PPTC7: variants seen among roughly 807,000 people sequenced by gnomAD.
PPTC7 encodes the protein protein phosphatase targeting COQ7.
Under a neutral mutation model 30.8 loss-of-function variants are expected in PPTC7, and 6 were observed. The ratio of observed to expected loss-of-function variants is 0.19; its 90% CI spans 0.11 to 0.38. The LOEUF is 0.38. Among genes scored for constraint, PPTC7 ranks in the 10% least tolerant of loss-of-function variants. The pLI, the probability that PPTC7 is intolerant of heterozygous loss-of-function variation, is 1.00. For missense variants in PPTC7, 218 were observed against 404.8 expected (o/e 0.54, Z 3.96); for synonymous variants, 163 against 168.1 (o/e 0.97, Z 0.23).
At chr12:110,560,352 G>A (rs546084980) in intron 1 of PPTC7, among the ~76,000 whole-genome samples, 2 of 151,368 alleles carry the variant, frequency 1.3e-5, no homozygotes, top group South Asian at 4.2e-4. Flanking sequence ...AATGAGCTGT[G>A]ATCACACTAC....
chr12:110,537,191 T>C (rs2064224950), intron 5 of PPTC7, 96 bp from the exon 6 acceptor site: 2 of 966,220 alleles, frequency 2.1e-6, no homozygotes, highest in Admixed American at 1.9e-5. Context: ...AATGCTTGCA[T>C]TCCAGGCAGT....
chr12:110,550,312 G>A (rs773299450), intron 2 of PPTC7, among the ~76,000 whole-genome samples: 3 of 145,762 alleles, frequency 2.1e-5, no homozygotes, highest in Non-Finnish European at 3.0e-5. Context: ...CTCACTGCAA[G>A]CTCCGCCTCC....
intron 1 of PPTC7, among the ~76,000 whole-genome samples, chr12:110,558,971 C>T (rs2064413247): frequency 1.3e-5 from 2 of 152,196 alleles, no homozygotes; most frequent in South Asian, 2.1e-4. Context: ...AAAATAGTTA[C>T]AGTATTTATG....
chr12:110,537,521 AT>A (rs1031864933), intron 5 of PPTC7, among the ~76,000 whole-genome samples: 3 of 152,170 alleles, frequency 2.0e-5, no homozygotes, highest in Non-Finnish European at 2.9e-5. Context: ...CTATTTTAAC[AT>A]TTTTTGGAGG....
intron 3 of PPTC7, 118 bp downstream of exon 3, chr12:110,545,762 A>G: frequency 1.1e-6 from 1 of 881,558 alleles, no homozygotes; most frequent in Admixed American, 2.0e-5. Flanking sequence ...CTTGATGAGA[A>G]CATTCTCAGT....
rs923392591 is a variant in PPTC7 at position 110,546,302 on chromosome 12, G to C, written c.404-224C>G. Reference sequence around the variant, plus strand: ...AGGATTTGTATTATACATAGTAATTGGGCCACAGATGATCTGAATTCTTCC... The same window carrying C: ...AGGATTTGTATTATACATAGTAATTCGGCCACAGATGATCTGAATTCTTCC... On this transcript the variant is annotated intron_variant, in intron 2 of 5. Transcript: ENST00000354300. The C allele has an allele frequency of 5.6e-6, 3 of 535,760 alleles. No individual in the cohort carries two copies. In the African/African-American group the frequency reaches 5.7e-5, roughly 10 times the overall value. The allele number at this position is 535,760 out of a possible 1,614,324, so 33.2% of individuals were successfully genotyped here. A position where few individuals can be genotyped will look rare whatever the true frequency, so the allele number is the denominator to read the frequency against.
chr12:110,543,813 G>A (rs565717692), intron 3 of PPTC7, among the ~76,000 whole-genome samples: 1 of 152,212 alleles, frequency 6.6e-6, no homozygotes, highest in African/African-American at 2.4e-5. Context: ...ATGCTAGCGA[G>A]CTGTCTCTGG....
intron 1 of PPTC7, among the ~76,000 whole-genome samples, chr12:110,577,325 G>A (rs1029649726): frequency 6.6e-6 from 1 of 150,928 alleles, no homozygotes; most frequent in East Asian, 1.9e-4. Flanking sequence ...AAAAAATTAT[G>A]GTAATATAAT....
At chr12:110,555,598 C>A (rs1211158974) in intron 1 of PPTC7, among the ~76,000 whole-genome samples, 1 of 152,206 alleles carries the variant, frequency 6.6e-6, no homozygotes, top group African/African-American at 2.4e-5. Context: ...AGATCCATTT[C>A]ATAGTCCACT....
intron 1 of PPTC7, among the ~76,000 whole-genome samples, chr12:110,554,511 A>T (rs890079289): frequency 6.6e-6 from 1 of 152,188 alleles, no homozygotes; most frequent in Non-Finnish European, 1.5e-5. Flanking sequence ...GAATATTAGG[A>T]AATTTAAAAT....
At chr12:110,572,872 T>A (rs750898238) in intron 1 of PPTC7, among the ~76,000 whole-genome samples, 1 of 128,414 alleles carries the variant, frequency 7.8e-6, no homozygotes, top group South Asian at 2.6e-4. Context: ...TTTAAGTTTT[T>A]ATTTATTTAT....
Position 110,544,367 on chromosome 12 carries a change from GCTT to G in PPTC7, c.602+1510_602+1512del, listed in dbSNP as rs532948396. ...AGTAGAGACAAGTACTTGCTAGAAT[GCTT>G]CTATTTTTACAAAAGGTTCATTGTC... On this transcript the variant is annotated intron_variant, in intron 3 of 5. Transcript: ENST00000354300. Among the ~76,000 whole-genome samples the G allele has an allele frequency of 2.7e-3, 405 of 152,302 alleles. 1 individual carries two copies. Among genetic ancestry groups the G allele is most frequent in the Non-Finnish European group, 4.4e-3 (299 of 68,022 alleles).
chr12:110,551,585 G>A (rs1307427123), intron 2 of PPTC7, among the ~76,000 whole-genome samples: 1 of 152,190 alleles, frequency 6.6e-6, no homozygotes, highest in African/African-American at 2.4e-5. Flanking sequence ...GACCTCAGGT[G>A]ATCTGCCCAC....
intron 1 of PPTC7, among the ~76,000 whole-genome samples, chr12:110,577,188 A>AAT (rs1555216124): frequency 8.1e-4 from 121 of 149,564 alleles, no homozygotes; most frequent in Non-Finnish European, 1.4e-3. Context: ...AAAAAAAAAA[A>AAT]TTCACTCAGG....
In PPTC7 at chr12:110,558,618, A is replaced by C. The variant is rs532116179; in HGVS notation, c.224-6650T>G. ...ACCATAGGGCACAGAAAAATCCTTT[A>C]GTGTTTTTGTTTGTTTTTGTTTTTT... is the stretch of plus-strand genomic sequence containing the variant. On this transcript the variant is annotated intron_variant, in intron 1 of 5. Transcript: ENST00000354300. Among the ~76,000 whole-genome samples, 3 of 152,318 alleles carry C rather than the reference A, an allele frequency of 2.0e-5. No individual in the cohort carries two copies. The South Asian group carries it at 6.2e-4, about 32-fold the overall frequency.
intron 3 of PPTC7, 38 bp downstream of exon 3, chr12:110,545,842 C>T (rs200926174): frequency 9.4e-6 from 15 of 1,594,504 alleles, no homozygotes; most frequent in African/African-American, 5.4e-5. Context: ...GAATGAGCCA[C>T]GTCCTGCTCA....
chr12:110,578,500 G>A (rs1325244460), intron 1 of PPTC7, among the ~76,000 whole-genome samples: 4 of 152,058 alleles, frequency 2.6e-5, no homozygotes, highest in African/African-American at 2.4e-5. Context: ...AATACAGTGG[G>A]GACTATACAA....
intron 1 of PPTC7, among the ~76,000 whole-genome samples, chr12:110,571,324 T>C (rs536612288): frequency 6.3e-4 from 95 of 151,366 alleles, no homozygotes; most frequent in African/African-American, 1.8e-3. Flanking sequence ...ATCTAAAAGA[T>C]TGGAAAAGAA....
At chr12:110,552,980 G>A (rs1205408919) in intron 1 of PPTC7, among the ~76,000 whole-genome samples, 3 of 151,922 alleles carry the variant, frequency 2.0e-5, no homozygotes, top group African/African-American at 4.8e-5. Context: ...TCAGGAGATC[G>A]AGACCAGCCT....
Sources: allele counts gnomAD v4.1 joint callset (sites outside exome capture counted in the v4.1 genomes callset), GRCh38; gene constraint gnomAD v4.1.1; transcripts MANE v1.5; gene names NCBI Gene and HGNC (gene_info 2026-07-23, HGNC 2026-07-21).